SLC52A1: variants seen among roughly 807,000 people sequenced by gnomAD.
The protein encoded by SLC52A1 is solute carrier family 52 member 1.
In SLC52A1, 20 loss-of-function variants were observed where a neutral mutation model predicts 23.2. The observed-to-expected ratio is 0.86, with a 90% confidence interval of 0.61 to 1.25. SLC52A1 has a LOEUF of 1.25. SLC52A1 is among the 50% of genes most tolerant of loss of function. The pLI, the probability that SLC52A1 is intolerant of heterozygous loss-of-function variation, is 0.00. For synonymous variants in SLC52A1, 260 were observed against 256.6 expected (o/e 1.01, Z -0.13); for missense variants, 528 against 557.0 (o/e 0.95, Z 0.52).
Position 5,033,033 on chromosome 17 carries a change from C to T in SLC52A1, c.1271G>A (p.Gly424Asp). 6.2e-7 allele frequency: 1 copy of T among 1,613,768 alleles called. No individual in the cohort carries two copies. The highest frequency in any genetic ancestry group is 1.1e-5 in the South Asian group (1 of 91,086). Residue 424 changes from glycine (G) to aspartate (D), a missense_variant, in exon 5 of 5, where the codon GGT becomes GAT. Physicochemically the swap from Gly to Asp is moderately conservative, Grantham distance 94. Transcript: ENST00000254853. Reference sequence around the variant, plus strand: ...GATGCTGGTGGGAGGGAACATGGCACCGGCACCAAGCAGGGAGCCCACTTG... The same window carrying T: ...GATGCTGGTGGGAGGGAACATGGCATCGGCACCAAGCAGGGAGCCCACTTG... Reference protein sequence around the residue: ...AIQVGSLLGAGAMFPPTSIYH... With the variant: ...AIQVGSLLGADAMFPPTSIYH...
rs780830965 is a variant in SLC52A1, at chr17:5,034,057, TAAGA to T, written c.428_431del (p.Phe143TyrfsTer20). The T allele has an allele frequency of 6.2e-7, 1 of 1,613,798 alleles. No homozygotes were observed. Among genetic ancestry groups the T allele is most frequent in the Admixed American group, 1.7e-5 (1 of 59,980 alleles). ...GACCCTGACCCAGGAAGAAAGACCGTAAGAAAGGAGGTGGCAGGTGGCTCAGGAA... is the reference window on the plus strand; with the variant it reads ...GACCCTGACCCAGGAAGAAAGACCGTAAGGAGGTGGCAGGTGGCTCAGGAA... On this transcript the variant is annotated frameshift_variant, in exon 3 of 5. Coordinates refer to ENST00000254853, the MANE Select transcript of SLC52A1 (RefSeq NM_017986.4). LOFTEE classifies it high-confidence loss of function.
At position 5,033,039 on chromosome 17, in the gene SLC52A1, C is replaced by G. The variant is rs1451636297; in HGVS notation, c.1265G>C (p.Gly422Ala). 1.2e-6 allele frequency: 2 copies of G among 1,613,786 alleles called. No homozygotes were observed. The highest frequency in any genetic ancestry group is 1.7e-6 in the Non-Finnish European group (2 of 1,180,034). The change falls in exon 5 of 5, where the codon GGT becomes GCT. Residue 422 changes from glycine to alanine, a missense_variant. Transcript: ENST00000254853. ...GGTGGGAGGGAACATGGCACCGGCA[C>G]CAAGCAGGGAGCCCACTTGGATGGC... The part of the protein sequence containing the change: ...GVAIQVGSLL[G>A]AGAMFPPTSI...
upstream of SLC52A1, among the ~76,000 whole-genome samples, chr17:5,038,444 G>A (rs533355874): frequency 6.6e-6 from 1 of 151,888 alleles, no homozygotes; most frequent in East Asian, 1.9e-4. Flanking sequence ...TGACTCTGAT[G>A]TGCAACCAAG....
chr17:5,040,996 C>T (rs373574523), intron 1 of SLC52A1, among the ~76,000 whole-genome samples: 2 of 151,710 alleles, frequency 1.3e-5, no homozygotes, highest in African/African-American at 2.4e-5. Context: ...GGGGTTTCAC[C>T]GTGTTAGCCA....
intron 2 of SLC52A1, 52 bp from the exon 3 acceptor site, chr17:5,034,410 G>C: frequency 6.2e-7 from 1 of 1,606,320 alleles, no homozygotes; most frequent in Non-Finnish European, 8.5e-7. Flanking sequence ...AAGGGACAAA[G>C]AGCTGCCACA....
At chr17:5,034,764 G>A (rs924162117) in intron 1 of SLC52A1, 51 bp from the exon 2 acceptor site, 26 of 1,002,238 alleles carry the variant, frequency 2.6e-5, no homozygotes, top group African/African-American at 3.3e-5. Flanking sequence ...GGACAGAACC[G>A]GAGTCAGAAG....
upstream of SLC52A1, among the ~76,000 whole-genome samples, chr17:5,039,618 C>T (rs986666122): frequency 1.5e-4 from 23 of 152,040 alleles, no homozygotes; most frequent in Non-Finnish European, 1.5e-5. Flanking sequence ...GTTACATGCA[C>T]CCACCACCAA....
In SLC52A1 at chr17:5,033,244, T is replaced by C. The variant is rs769095695; in HGVS notation, c.1134+17A>G. The C allele has an allele frequency of 6.2e-7, 1 of 1,613,320 alleles. No individual in the cohort carries two copies. On this transcript the variant is annotated intron_variant, in intron 4 of 4. Coordinates refer to ENST00000254853, the MANE Select transcript of SLC52A1 (RefSeq NM_017986.4). ...AGGGGACACCCTCCTCCCCACTTCATGTCTCCACTTGCTCACCACAAGGAC... is the reference window on the plus strand; with the variant it reads ...AGGGGACACCCTCCTCCCCACTTCACGTCTCCACTTGCTCACCACAAGGAC...
intron 1 of SLC52A1, among the ~76,000 whole-genome samples, chr17:5,041,863 C>A (rs151155915): frequency 6.6e-6 from 1 of 152,124 alleles, no homozygotes; most frequent in Admixed American, 6.5e-5. Flanking sequence ...CCACCTGCCT[C>A]GGCCTCCCAA....
chr17:5,038,975 G>A (rs1975511997), upstream of SLC52A1, among the ~76,000 whole-genome samples: 1 of 152,164 alleles, frequency 6.6e-6, no homozygotes, highest in East Asian at 1.9e-4. Context: ...GTCCAATGGA[G>A]TGGCTACTAT....
rs2072023731 is a variant in SLC52A1 at position 5,033,721 on chromosome 17, T to C, written c.768A>G (p.Pro256=). 3 of 1,614,110 alleles carry C rather than the reference T, an allele frequency of 1.9e-6. No homozygotes were observed. Among genetic ancestry groups the C allele is most frequent in the Non-Finnish European group, 2.5e-6 (3 of 1,180,042 alleles). Residue 256 remains proline, a synonymous_variant, in exon 3 of 5, where the codon CCA becomes CCG. Transcript: ENST00000254853. ...EEEEALPLQE[P]PSQAAGTIPG... ...GGATGGTGCCTGCTGCCTGGCTCGG[T>C]GGCTCCTGCAATGGCAAAGCCTCTT...
upstream of SLC52A1, among the ~76,000 whole-genome samples, chr17:5,039,549 G>A (rs554764134): frequency 3.3e-4 from 50 of 151,362 alleles, no homozygotes; most frequent in Non-Finnish European, 6.3e-4. Context: ...TCGGCTCACC[G>A]CAACATCCGC....
rs140906879 is a variant in SLC52A1, at chr17:5,033,290, C to T, written c.1105G>A (p.Val369Met). The T allele has an allele frequency of 6.2e-7, 1 of 1,614,004 alleles. No individual in the cohort carries two copies. Among genetic ancestry groups the T allele is most frequent in the Non-Finnish European group, 8.5e-7 (1 of 1,179,992 alleles). ...LAILSPCPPLVGTTAGVVLVV... is the reference protein window; with the variant it reads ...LAILSPCPPLMGTTAGVVLVV... ...AGGACCACCCCTGCAGTGGTGCCCA[C>T]CAGGGGTGGGCAGGGGCTCAGGATT... is the stretch of plus-strand genomic sequence containing the variant. Residue 369 changes from valine to methionine, a missense_variant, in exon 4 of 5, where the codon GTG becomes ATG. Coordinates refer to ENST00000254853, the MANE Select transcript of SLC52A1 (RefSeq NM_017986.4).
upstream of SLC52A1, among the ~76,000 whole-genome samples, chr17:5,037,620 A>G (rs550186407): frequency 6.6e-6 from 1 of 152,290 alleles, no homozygotes; most frequent in African/African-American, 2.4e-5. Flanking sequence ...CTTTCCTGCT[A>G]TAAGGGCAGA....
chr17:5,035,394 C>T lies in SLC52A1; in HGVS notation c.-641G>A, dbSNP rs1302900569. The T allele has an allele frequency of 6.6e-6, 1 of 152,340 alleles. No homozygotes were observed. Among genetic ancestry groups the T allele is most frequent in the Admixed American group, 6.5e-5 (1 of 15,292 alleles). 9.4% of individuals were successfully genotyped at this position (152,340 alleles called of 1,614,324 possible). A position where few individuals can be genotyped will look rare whatever the true frequency, so the allele number is the denominator to read the frequency against. Reference sequence around the variant, plus strand: ...AATGGACCCCGGGACAAGGGCACGTCTCTGGTGCCACTTGCAACCCTAGCG... The same window carrying T: ...AATGGACCCCGGGACAAGGGCACGTTTCTGGTGCCACTTGCAACCCTAGCG... On this transcript the variant is annotated 5_prime_UTR_variant, in exon 1 of 5. Coordinates refer to ENST00000254853, the MANE Select transcript of SLC52A1 (RefSeq NM_017986.4).
chr17:5,042,346 T>C (rs1041203129), intron 1 of SLC52A1, among the ~76,000 whole-genome samples: 1 of 152,170 alleles, frequency 6.6e-6, no homozygotes, highest in Non-Finnish European at 1.5e-5. Context: ...CACAGATGAA[T>C]GTACTGTCTT....
Position 5,034,538 on chromosome 17 carries a change from G to T in SLC52A1, c.69C>A (p.Ser23=). ...CCCAGATCCCGTTCACAGCAGCCCAGGAGCCCATGCCAAAAAGGGCCACCA... is the reference window on the plus strand; with the variant it reads ...CCCAGATCCCGTTCACAGCAGCCCATGAGCCCATGCCAAAAAGGGCCACCA... ...HLLVALFGMG[S]WAAVNGIWVE... is the part of the protein sequence containing the mutation. The change falls in exon 2 of 5, where the codon TCC becomes TCA. Residue 23 remains serine (S), a synonymous_variant. Transcript: ENST00000254853. The T allele has an allele frequency of 6.2e-7, 1 of 1,614,206 alleles. No individual in the cohort carries two copies. The highest frequency in any genetic ancestry group is 8.5e-7 in the Non-Finnish European group (1 of 1,180,042).
Position 5,034,872 on chromosome 17 carries a change from G to T in SLC52A1, c.-119C>A. Reference sequence around the variant, plus strand: ...GAGCCAGGACTTACCACGGGGCACCGGCTGTGCGTTTGGGTACAGCGACCC... The same window carrying T: ...GAGCCAGGACTTACCACGGGGCACCTGCTGTGCGTTTGGGTACAGCGACCC... On this transcript the variant is annotated 5_prime_UTR_variant, in exon 1 of 5. Transcript: ENST00000254853. The T allele has an allele frequency of 2.6e-6, 1 of 380,622 alleles. No individual in the cohort carries two copies. Among genetic ancestry groups the T allele is most frequent in the Non-Finnish European group, 4.9e-6 (1 of 202,942 alleles). The allele number at this position is 380,622 out of a possible 1,614,324, so 23.6% of individuals were successfully genotyped here.
rs1335481043 is a variant in SLC52A1, at chr17:5,034,329, C to T, written c.160G>A (p.Val54Ile). 1.9e-6 allele frequency: 3 copies of T among 1,587,970 alleles called. No homozygotes were observed. The highest frequency in any genetic ancestry group is 2.6e-6 in the Non-Finnish European group (3 of 1,167,062). Residue 54 changes from valine to isoleucine, a missense_variant, in exon 3 of 5, where the codon GTT becomes ATT. By Grantham distance (29) the Val-to-Ile change is conservative. Coordinates refer to ENST00000254853, the MANE Select transcript of SLC52A1 (RefSeq NM_017986.4). ...GWSLPSYLSV[V>I]VALGNLGLLV... Reference sequence around the variant, plus strand: ...AGACCCAGGTTTCCCAGCGCCACAACCACAGAGAGGTATGAGGGGAGGCTC... The same window carrying T: ...AGACCCAGGTTTCCCAGCGCCACAATCACAGAGAGGTATGAGGGGAGGCTC...
Sources: gnomAD v4.1 joint callset for allele counts (sites outside exome capture counted in the v4.1 genomes callset) on GRCh38, gnomAD v4.1.1 for gene constraint, MANE v1.5 for transcripts, NCBI Gene and HGNC (gene_info 2026-07-23, HGNC 2026-07-21) for gene names.